Variants in PDZD9 observed in about 807,000 individuals in gnomAD.
PDZD9 encodes PDZ domain-containing protein 9.
In PDZD9, 13 loss-of-function variants were observed where a neutral mutation model predicts 16.3. The ratio of observed to expected loss-of-function variants is 0.80; its 90% CI spans 0.52 to 1.27. PDZD9 has a LOEUF of 1.27. Ranked by LOEUF, PDZD9 falls within the 50% of genes most tolerant of loss-of-function variation. PDZD9 has a pLI of 0.00. For missense variants in PDZD9, 288 were observed against 310.9 expected (o/e 0.93, Z 0.55); for synonymous variants, 120 against 111.0 (o/e 1.08, Z -0.51).
intron 2 of PDZD9, among the ~76,000 whole-genome samples, chr16:21,993,447 C>T (rs1205767809): frequency 6.6e-6 from 1 of 152,210 alleles, no homozygotes; most frequent in East Asian, 1.9e-4. Context: ...CGTTTATTCT[C>T]CACCACCAAG....
chr16:21,973,013 T>C, the PDZD9 span, among the ~76,000 whole-genome samples: 2 of 152,300 alleles, frequency 1.3e-5, no homozygotes, highest in South Asian at 4.1e-4. Context: ...GGCAGAAGAA[T>C]CACTTGAACC....
chr16:21,971,577 G>A, the PDZD9 span: 1 of 1,614,160 alleles, frequency 6.2e-7, no homozygotes, highest in African/African-American at 1.3e-5. Context: ...TCAACATGAG[G>A]GGTGGGCTTG....
intron 2 of PDZD9, among the ~76,000 whole-genome samples, chr16:21,993,165 C>T (rs1482864349): frequency 6.6e-6 from 1 of 152,150 alleles, no homozygotes; most frequent in African/African-American, 2.4e-5. Context: ...TAAGAATGCA[C>T]TAATACAGTA....
chr16:21,964,630 A>G, the PDZD9 span, among the ~76,000 whole-genome samples: 1 of 152,140 alleles, frequency 6.6e-6, no homozygotes, highest in African/African-American at 2.4e-5. Context: ...CCCCTGGGAA[A>G]CACCAGCTCA....
downstream of PDZD9, chr16:21,980,730 A>T: frequency 6.2e-7 from 1 of 1,611,142 alleles, no homozygotes; most frequent in Non-Finnish European, 8.5e-7. Context: ...ACGATTTAAC[A>T]ACAGAGAACT....
chr16:21,977,266 A>T, the PDZD9 span, among the ~76,000 whole-genome samples: 1 of 151,954 alleles, frequency 6.6e-6, no homozygotes, highest in Non-Finnish European at 1.5e-5. Flanking sequence ...AAGAGGGGGG[A>T]TTGCTTGAGC....
At chr16:21,981,454 A>G (rs13335130), downstream of PDZD9, among the ~76,000 whole-genome samples, 904 of 152,294 alleles carry the variant, frequency 5.9e-3, 13 homozygotes, top group African/African-American at 0.02. Context: ...AGTGGGGATA[A>G]GAAAAAATAA....
chr16:21,992,103 C>T (rs1254242703), intron 2 of PDZD9, among the ~76,000 whole-genome samples: 1 of 152,104 alleles, frequency 6.6e-6, no homozygotes, highest in Non-Finnish European at 1.5e-5. Context: ...GTGGCTCATG[C>T]CTGTAATCCC....
chr16:21,958,659 A>T, the PDZD9 span: 1 of 1,464,070 alleles, frequency 6.8e-7, no homozygotes, highest in Non-Finnish European at 9.5e-7. Context: ...ATTTTAAGGG[A>T]ACTTTTCTCT....
chr16:21,996,216 A>G, intron 2 of PDZD9, 106 bp downstream of exon 2: 1 of 1,301,162 alleles, frequency 7.7e-7, no homozygotes, highest in Non-Finnish European at 1.0e-6. Flanking sequence ...ATGAGCCAGC[A>G]TGCCCGTCAT....
chr16:21,968,432 A>T, the PDZD9 span: 1 of 427,658 alleles, frequency 2.3e-6, no homozygotes, highest in Non-Finnish European at 4.1e-6. Context: ...GACCACAATT[A>T]GGTTCTAGTT....
At chr16:21,964,684 C>T in the PDZD9 span, among the ~76,000 whole-genome samples, 3 of 152,158 alleles carry the variant, frequency 2.0e-5, no homozygotes, top group South Asian at 6.2e-4. Flanking sequence ...TAATTGTTTT[C>T]CAATTCCCAC....
chr16:21,966,267 T>C, the PDZD9 span, among the ~76,000 whole-genome samples: 1 of 152,134 alleles, frequency 6.6e-6, no homozygotes, highest in Non-Finnish European at 1.5e-5. Context: ...CTTCCTTAGC[T>C]CCTGTTCCAT....
At chr16:21,987,241 G>A (rs1212081942) in intron 3 of PDZD9, among the ~76,000 whole-genome samples, 1 of 152,094 alleles carries the variant, frequency 6.6e-6, no homozygotes, top group Non-Finnish European at 1.5e-5. Flanking sequence ...CCAACGTGGT[G>A]AAACTTCGTC....
the PDZD9 span, among the ~76,000 whole-genome samples, chr16:21,973,058 C>G: frequency 6.6e-6 from 1 of 152,206 alleles, no homozygotes; most frequent in African/African-American, 2.4e-5. Context: ...TGAGATCGTG[C>G]CACTGCACTC....
chr16:21,971,078 ATGT>A, the PDZD9 span, among the ~76,000 whole-genome samples: 7 of 152,234 alleles, frequency 4.6e-5, no homozygotes, highest in African/African-American at 1.7e-4. Context: ...GGACAATGCA[ATGT>A]TGTTTTAAGA....
At chr16:21,980,810 T>C (rs1326448190), downstream of PDZD9, 1 of 1,287,274 alleles carries the variant, frequency 7.8e-7, no homozygotes, top group Admixed American at 2.5e-5. Flanking sequence ...TTATGTTTGG[T>C]GCTCATCTAC....
intron 2 of PDZD9, among the ~76,000 whole-genome samples, chr16:21,992,052 G>T (rs1899035273): frequency 6.6e-6 from 1 of 152,092 alleles, no homozygotes; most frequent in Non-Finnish European, 1.5e-5. Flanking sequence ...TTTCAGGAGT[G>T]TTGCAAACTT....
the PDZD9 span, among the ~76,000 whole-genome samples, chr16:21,960,753 A>G: frequency 6.6e-6 from 1 of 152,172 alleles, no homozygotes; most frequent in South Asian, 2.1e-4. Flanking sequence ...AGGAGTAGGA[A>G]TATCCAAAGA....
Sources: allele counts gnomAD v4.1 joint callset (sites outside exome capture counted in the v4.1 genomes callset), GRCh38; gene constraint gnomAD v4.1.1; transcripts MANE v1.5; gene names NCBI Gene and HGNC (gene_info 2026-07-23, HGNC 2026-07-21).